The following PCDHA13 variants were observed in gnomAD, a reference collection of about 807,000 sequenced individuals.
PCDHA13 encodes protocadherin alpha-13.
PCDHA13 carries 54 observed loss-of-function variants against 64.8 expected under a neutral mutation model. That is an observed-to-expected ratio of 0.83 (90% CI 0.67 to 1.04). The LOEUF (loss-of-function observed/expected upper bound fraction) is 1.04. Ranked by LOEUF, PCDHA13 falls within the 50% of genes least tolerant of loss-of-function variation. The pLI is 0.00. For missense variants in PCDHA13, 1,248 were observed against 1,254.3 expected, an observed-to-expected ratio of 0.99 and a Z score of 0.08; for synonymous variants, 587 against 564.4, an observed-to-expected ratio of 1.04 and a Z score of -0.57.
At chr5:140,907,706 A>G (rs1171479205) in intron 1 of PCDHA13, among the ~76,000 whole-genome samples, 1 of 152,172 alleles carries the variant, frequency 6.6e-6, no homozygotes, top group Non-Finnish European at 1.5e-5. Flanking sequence ...CCTGTTGCTG[A>G]GCCCATGTGT....
At chr5:140,978,805 T>G in intron 1 of PCDHA13, 144 bp from the exon 2 acceptor site, 4 of 1,492,524 alleles carry the variant, frequency 2.7e-6, no homozygotes, top group Non-Finnish European at 3.6e-6. Flanking sequence ...GTAGATATCA[T>G]CATAGAGTTA....
chr5:141,005,142 T>C (rs1554259898), intron 3 of PCDHA13, among the ~76,000 whole-genome samples: 1 of 152,234 alleles, frequency 6.6e-6, no homozygotes, highest in African/African-American at 2.4e-5. Flanking sequence ...ATTGGAGAGT[T>C]GTTTGGTCTG....
intron 3 of PCDHA13, among the ~76,000 whole-genome samples, chr5:141,004,550 G>A (rs1554259606): frequency 6.6e-6 from 1 of 152,222 alleles, no homozygotes; most frequent in African/African-American, 2.4e-5. Flanking sequence ...TCCTTTAACT[G>A]TGCAAGATGA....
chr5:140,883,925 G>T lies in PCDHA13; in HGVS notation c.1657G>T (p.Val553Leu), dbSNP rs1554180613. 2 of 1,613,466 alleles carry T rather than the reference G, an allele frequency of 1.2e-6. No homozygotes were observed. The highest frequency in any genetic ancestry group is 1.7e-6 in the Non-Finnish European group (2 of 1,179,858). Residue 553 changes from valine (V) to leucine (L), a missense_variant, in exon 1 of 4, where the codon GTG (valine) becomes TTG (leucine). Val to Leu is a conservative substitution (Grantham distance 32). Transcript: ENST00000289272. The stretch of plus-strand genomic sequence containing the variant: ...TCTGGGCAGCAACGTGACGCTGCAG[G>T]TGTTCGTGCTGGACGAGAACGACAA... The part of the protein sequence containing the change: ...PPLGSNVTLQ[V>L]FVLDENDNAP...
Position 140,883,321 on chromosome 5 carries a change from C to T in PCDHA13, c.1053C>T (p.Thr351=). ...TAAATGATAACGCCCCAGAGGTTAC[C>T]ATCACTTCTTTGTCACTCCCCATCA... The part of the protein sequence containing the change: ...LDVNDNAPEV[T]ITSLSLPIRE... Residue 351 remains threonine, a synonymous_variant, in exon 1 of 4, where the codon ACC becomes ACT. Transcript: ENST00000289272. The T allele has an allele frequency of 6.2e-7, 1 of 1,614,120 alleles. No homozygotes were observed. The highest frequency in any genetic ancestry group is 1.1e-5 in the South Asian group (1 of 91,078).
intron 1 of PCDHA13, among the ~76,000 whole-genome samples, chr5:140,903,411 A>G (rs265314): frequency 0.015 from 2,274 of 152,338 alleles, 53 homozygotes; most frequent in African/African-American, 0.052. Flanking sequence ...TGCAGTCAGG[A>G]AAAATTCAGC....
intron 1 of PCDHA13, among the ~76,000 whole-genome samples, chr5:140,909,836 C>T (rs2074710574): frequency 6.6e-6 from 1 of 152,176 alleles, no homozygotes; most frequent in South Asian, 2.1e-4. Flanking sequence ...ACTGGAGGAC[C>T]ACCAGGACGT....
intron 1 of PCDHA13, among the ~76,000 whole-genome samples, chr5:140,960,767 G>A (rs1160174091): frequency 1.3e-5 from 2 of 152,036 alleles, no homozygotes; most frequent in Admixed American, 6.6e-5. Context: ...GAGTTACAGA[G>A]GAGAAATAGG....
At chr5:140,967,524 A>G in intron 1 of PCDHA13, 1 of 1,612,564 alleles carries the variant, frequency 6.2e-7, no homozygotes, top group Non-Finnish European at 8.5e-7. Context: ...ACTAACGACA[A>G]CTCTCCTGCC....
intron 3 of PCDHA13, among the ~76,000 whole-genome samples, chr5:141,000,383 C>G (rs1324907388): frequency 4.7e-5 from 3 of 63,178 alleles, no homozygotes; most frequent in South Asian, 1.1e-3. Flanking sequence ...CTCTCTCTCT[C>G]TCTCTCTCTC....
At chr5:140,927,243 C>A in intron 1 of PCDHA13, 1 of 1,614,132 alleles carries the variant, frequency 6.2e-7, no homozygotes. Flanking sequence ...TCCTGGACAC[C>A]AATGACAACT....
intron 1 of PCDHA13, among the ~76,000 whole-genome samples, chr5:140,946,611 A>AAT (rs1554217734): frequency 0.018 from 1,579 of 86,716 alleles, 89 homozygotes; most frequent in African/African-American, 0.026. Flanking sequence ...GAAAATGTGA[A>AAT]ATATATATAT....
intron 1 of PCDHA13, among the ~76,000 whole-genome samples, chr5:140,957,748 G>T (rs2095381433): frequency 6.6e-6 from 1 of 152,080 alleles, no homozygotes; most frequent in South Asian, 2.1e-4. Context: ...GACATGAAAG[G>T]ATGTTCATTA....
In PCDHA13 at chr5:140,941,191, T is replaced by C. The variant is rs184104978; in HGVS notation, c.2395-37758T>C. Among the ~76,000 whole-genome samples the C allele has an allele frequency of 2.1e-3, 199 of 93,252 alleles. 3 individuals are homozygous for C. Among genetic ancestry groups the C allele is most frequent in the South Asian group, 0.011 (39 of 3,542 alleles). The allele number at this position is 93,252 out of a possible 152,430, so 61.2% of individuals were successfully genotyped here. A position where few individuals can be genotyped will look rare whatever the true frequency, so the allele number is the denominator to read the frequency against. On this transcript the variant is annotated intron_variant, in intron 1 of 3. Transcript: ENST00000289272. ...CATCTTGAACATCCTGCTTCTTTTT[T>C]TTTCTTTCTTCCTTTCTTTCTTCCT...
chr5:141,006,568 T>C (rs2098278532), intron 3 of PCDHA13, among the ~76,000 whole-genome samples: 1 of 152,110 alleles, frequency 6.6e-6, no homozygotes, highest in Non-Finnish European at 1.5e-5. Flanking sequence ...CTCTGGCTAC[T>C]GTGTGGAGGG....
chr5:140,932,500 T>C (rs2088368568), intron 1 of PCDHA13, among the ~76,000 whole-genome samples: 3 of 151,914 alleles, frequency 2.0e-5, no homozygotes, highest in Non-Finnish European at 4.4e-5. Context: ...ATGTCATTTG[T>C]TAACAGTAGT....
chr5:140,966,850 CCTGCTGCTGTTG>C (rs1409933796), intron 1 of PCDHA13: 1 of 1,572,784 alleles, frequency 6.4e-7, no homozygotes, highest in Non-Finnish European at 8.6e-7. Context: ...TACTGCCTCT[CCTGCTGCTGTTG>C]CTGCTGCTGC....
At chr5:140,988,092 C>T (rs1266366711) in intron 3 of PCDHA13, among the ~76,000 whole-genome samples, 6 of 152,174 alleles carry the variant, frequency 3.9e-5, no homozygotes, top group East Asian at 1.9e-4. Flanking sequence ...AGTGCAGCCT[C>T]GGGCCTTGTT....
chr5:140,885,160 CTTTT>C (rs370486132), intron 1 of PCDHA13, among the ~76,000 whole-genome samples: 314 of 152,080 alleles, frequency 2.1e-3, no homozygotes, highest in African/African-American at 7.4e-3. Context: ...ATTGTCTCTA[CTTTT>C]TTGTCCTCTA....
Sources: gnomAD v4.1 joint callset for allele counts (sites outside exome capture counted in the v4.1 genomes callset) on GRCh38, gnomAD v4.1.1 for gene constraint, MANE v1.5 for transcripts, NCBI Gene and HGNC (gene_info 2026-07-23, HGNC 2026-07-21) for gene names.